MRPL10: variants seen among roughly 807,000 people sequenced by gnomAD.
MRPL10 encodes mitochondrial ribosomal protein L10, also known as large ribosomal subunit protein uL10m.
MRPL10 carries 14 observed loss-of-function variants against 19.8 expected under a neutral mutation model. The observed-to-expected ratio is 0.71, with a 90% CI of 0.47 to 1.11. The LOEUF (loss-of-function observed/expected upper bound fraction) is 1.11, where lower values mean the gene tolerates loss of function less well. Ranked by LOEUF, MRPL10 falls within the 50% of genes least tolerant of loss-of-function variation. The pLI, the probability that MRPL10 is intolerant of heterozygous loss-of-function variation, is 0.00. For missense variants in MRPL10, 318 were observed against 339.6 expected (o/e 0.94, Z 0.50); for synonymous variants, 129 against 139.2 (o/e 0.93, Z 0.52).
At chr17:47,826,978 G>A (rs2033543525) in intron 3 of MRPL10, 62 bp downstream of exon 3, 2 of 1,543,890 alleles carry the variant, frequency 1.3e-6, no homozygotes, top group Admixed American at 1.8e-5. Flanking sequence ...AGATGGTGAG[G>A]TCTGAGTCTG....
Position 47,824,369 on chromosome 17 carries a change from C to T in MRPL10, c.622G>A (p.Val208Ile). Residue 208 changes from valine (V) to isoleucine (I), a missense_variant, in exon 5 of 5, where the codon GTA becomes ATA. Val to Ile is a conservative substitution (Grantham distance 29). Coordinates refer to ENST00000351111, the MANE Select transcript of MRPL10 (RefSeq NM_145255.4). Reference sequence around the variant, plus strand: ...GCTGTGAGGCAGGTGAGGCCTCCTACAAGCTCCCCCTGCACCAGGGGCAGG... The same window carrying T: ...GCTGTGAGGCAGGTGAGGCCTCCTATAAGCTCCCCCTGCACCAGGGGCAGG... ...PSLPLVQGEL[V>I]GGLTCLTAQT... 1.2e-6 allele frequency: 2 copies of T among 1,611,490 alleles called. No individual in the cohort carries two copies. Among genetic ancestry groups the T allele is most frequent in the Non-Finnish European group, 1.7e-6 (2 of 1,178,230 alleles).
In MRPL10 at chr17:47,831,445, T is replaced by C; in HGVS notation, c.52+15A>G. The C allele has an allele frequency of 1.9e-6, 3 of 1,548,694 alleles. No individual in the cohort carries two copies. The highest frequency in any genetic ancestry group is 2.4e-5 in the East Asian group (1 of 40,920). ...GGCCGCAAGACACGCCGTGAGGACC[T>C]GGGCCACTCCTTACCCGCCTGGGGC... On this transcript the variant is annotated intron_variant, in intron 1 of 4. Coordinates refer to ENST00000351111, the MANE Select transcript of MRPL10 (RefSeq NM_145255.4).
intron 1 of MRPL10, among the ~76,000 whole-genome samples, chr17:47,830,482 G>T (rs2033610837): frequency 6.6e-6 from 1 of 151,902 alleles, no homozygotes; most frequent in Non-Finnish European, 1.5e-5. Flanking sequence ...AAGACTGCAG[G>T]CAGGCTTTGG....
Position 47,825,163 on chromosome 17 carries a change from T to C in MRPL10, c.533-705A>G, listed in dbSNP as rs151237029. Among the ~76,000 whole-genome samples the C allele has an allele frequency of 8.0e-3, 1,210 of 151,696 alleles. 20 individuals carry two copies. Among genetic ancestry groups the C allele is most frequent in the African/African-American group, 0.028 (1,147 of 41,268 alleles). ...GGCCAACATGGTGAAACCCCGTTTC[T>C]ACTAAAAATACAAAAATTAGCCAGG... is the stretch of plus-strand genomic sequence containing the variant. On this transcript the variant is annotated intron_variant, in intron 4 of 4. Transcript: ENST00000351111.
At position 47,828,620 on chromosome 17, in the gene MRPL10, G is replaced by A. The variant is rs761602755; in HGVS notation, c.103C>T (p.Arg35Cys). The A allele has an allele frequency of 2.1e-5, 32 of 1,525,714 alleles. No individual in the cohort carries two copies. The highest frequency in any genetic ancestry group is 2.0e-4 in the South Asian group (15 of 76,672). The allele number at this position is 1,525,714 out of a possible 1,614,324, so 94.5% of individuals were successfully genotyped here. A position where few individuals can be genotyped will look rare whatever the true frequency, so the allele number is the denominator to read the frequency against. ...TVRYGSKAVT[R>C]HRRVMHFQRQ... ...TGAAAGTGCATCACACGACGGTGGC[G>A]GGTAACAGCCTTGGAGCCATAGCGG... Residue 35 changes from arginine to cysteine, a missense_variant, in exon 2 of 5, where the codon CGC becomes TGC. By Grantham distance (180) the Arg-to-Cys change is radical. Coordinates refer to ENST00000351111, the MANE Select transcript of MRPL10 (RefSeq NM_145255.4).
At chr17:47,828,731 A>G in intron 1 of MRPL10, 61 bp from the exon 2 acceptor site, 4 of 1,379,870 alleles carry the variant, frequency 2.9e-6, no homozygotes, top group South Asian at 1.5e-5. Context: ...GTTTATCCCA[A>G]ATGGAGAAAA....
Position 47,824,337 on chromosome 17 carries a change from G to A in MRPL10, c.654C>T (p.Thr218=). 1 of 1,613,876 alleles carries A rather than the reference G, an allele frequency of 6.2e-7. No individual in the cohort carries two copies. The highest frequency in any genetic ancestry group is 1.1e-5 in the South Asian group (1 of 91,060). ...VGGLTCLTAQ[T]HSLLQHQPLQ... ...GGGGCTGGTGCTGGAGCAGGGAGTG[G>A]GTCTGGGCTGTGAGGCAGGTGAGGC... is the stretch of plus-strand genomic sequence containing the variant. The change falls in exon 5 of 5, where the codon ACC becomes ACT. Residue 218 remains threonine (T), a synonymous_variant. Transcript: ENST00000351111.
At chr17:47,825,332 A>G (rs2033514698) in intron 4 of MRPL10, among the ~76,000 whole-genome samples, 1 of 151,906 alleles carries the variant, frequency 6.6e-6, no homozygotes, top group Non-Finnish European at 1.5e-5. Flanking sequence ...TCCGTCTCAA[A>G]AAAACAAAGA....
rs771595673 is a variant in MRPL10 at position 47,826,784 on chromosome 17, G to A, written c.388-3C>T. 1.8e-5 allele frequency: 29 copies of A among 1,614,034 alleles called. No homozygotes were observed. In the Middle Eastern group the frequency reaches 2.1e-3, roughly 119 times the overall value. ...TCCTCCAGGAAGGGCTTCAGGACCTGGGAACAGCAGGGAAAAATGGCTTAT... is the reference window on the plus strand; with the variant it reads ...TCCTCCAGGAAGGGCTTCAGGACCTAGGAACAGCAGGGAAAAATGGCTTAT... On this transcript the variant is annotated splice_polypyrimidine_tract_variant and splice_region_variant and intron_variant, in intron 3 of 4. Transcript: ENST00000351111.
chr17:47,826,937 G>A, intron 3 of MRPL10, 103 bp downstream of exon 3: 1 of 1,457,802 alleles, frequency 6.9e-7, no homozygotes, highest in Non-Finnish European at 9.4e-7. Context: ...CTCATGGAGA[G>A]GAGGAGTAAG....
chr17:47,826,008 G>T (rs371756423), intron 4 of MRPL10, among the ~76,000 whole-genome samples: 55 of 151,770 alleles, frequency 3.6e-4, no homozygotes, highest in Non-Finnish European at 7.7e-4. Flanking sequence ...TTAGCTGGGC[G>T]TGGTGGCAGG....
chr17:47,824,064 T>C lies in MRPL10; in HGVS notation c.*141A>G. The C allele has an allele frequency of 9.5e-7, 1 of 1,057,518 alleles. No individual in the cohort carries two copies. Among genetic ancestry groups the C allele is most frequent in the East Asian group, 2.5e-5 (1 of 39,998 alleles). 65.5% of individuals were successfully genotyped at this position (1,057,518 alleles called of 1,614,324 possible). On this transcript the variant is annotated 3_prime_UTR_variant, in exon 5 of 5. Transcript: ENST00000351111. ...AATCCTCTGCATCTCCAAGTGGCCC[T>C]ATACCTGACAATATCATTACTAGTG...
chr17:47,824,512 A>G, intron 4 of MRPL10, 54 bp from the exon 5 acceptor site: 11 of 1,500,186 alleles, frequency 7.3e-6, no homozygotes, highest in Non-Finnish European at 8.8e-6. Flanking sequence ...TCTTCTCTGA[A>G]AACAATATTC....
Position 47,823,837 on chromosome 17 carries a change from A to G in MRPL10, c.*368T>C. The G allele has an allele frequency of 3.1e-6, 1 of 326,712 alleles. No individual in the cohort carries two copies. The highest frequency in any genetic ancestry group is 9.6e-5 in the East Asian group (1 of 10,398). 20.2% of individuals were successfully genotyped at this position (326,712 alleles called of 1,614,324 possible). On this transcript the variant is annotated 3_prime_UTR_variant, in exon 5 of 5. Coordinates refer to ENST00000351111, the MANE Select transcript of MRPL10 (RefSeq NM_145255.4). The stretch of plus-strand genomic sequence containing the variant: ...CTCAGCACAACTGCTTGGTTGAGCT[A>G]CTGTGGCAGTGGCAGGTTGTGCCCC...
chr17:47,827,005 G>C lies in MRPL10; in HGVS notation c.387+35C>G, dbSNP rs778389279. The C allele has an allele frequency of 1.2e-5, 19 of 1,580,240 alleles. No individual in the cohort carries two copies. In the South Asian group the frequency reaches 2.2e-4, roughly 18 times the overall value. On this transcript the variant is annotated intron_variant, in intron 3 of 4. Transcript: ENST00000351111. ...CTGAGTCTGGTGGGGGTGGGGGGAA[G>C]ATGGGCAACCCATGCCAAGGGGCCT... is the stretch of plus-strand genomic sequence containing the variant.
rs776728463 is a variant in MRPL10 at position 47,826,785 on chromosome 17, G to C, written c.388-4C>G. Reference sequence around the variant, plus strand: ...CCTCCAGGAAGGGCTTCAGGACCTGGGAACAGCAGGGAAAAATGGCTTATC... The same window carrying C: ...CCTCCAGGAAGGGCTTCAGGACCTGCGAACAGCAGGGAAAAATGGCTTATC... On this transcript the variant is annotated splice_polypyrimidine_tract_variant and splice_region_variant and intron_variant, in intron 3 of 4. Transcript: ENST00000351111. 1.2e-6 allele frequency: 2 copies of C among 1,614,146 alleles called. No homozygotes were observed. The highest frequency in any genetic ancestry group is 4.5e-5 in the East Asian group (2 of 44,882).
chr17:47,830,892 A>C (rs1296017926), intron 1 of MRPL10, among the ~76,000 whole-genome samples: 1 of 152,218 alleles, frequency 6.6e-6, no homozygotes, highest in African/African-American at 2.4e-5. Context: ...CTGCGTCTGT[A>C]AAGAGGAGAT....
chr17:47,823,970 G>C lies in MRPL10; in HGVS notation c.*235C>G, dbSNP rs2033485518. 2 of 566,682 alleles carry C rather than the reference G, an allele frequency of 3.5e-6. No homozygotes were observed. Among genetic ancestry groups the C allele is most frequent in the South Asian group, 4.0e-5 (2 of 49,566 alleles). 35.1% of individuals were successfully genotyped at this position (566,682 alleles called of 1,614,324 possible). Reference sequence around the variant, plus strand: ...CTGCCTTGGACCTGGAGAATGGAGAGACTTTGCTCCTATCACGTCCCAAGT... The same window carrying C: ...CTGCCTTGGACCTGGAGAATGGAGACACTTTGCTCCTATCACGTCCCAAGT... On this transcript the variant is annotated 3_prime_UTR_variant, in exon 5 of 5. Transcript: ENST00000351111.
chr17:47,823,961 G>T lies in MRPL10; in HGVS notation c.*244C>A. ...TCAGGATCTCTGCCTTGGACCTGGA[G>T]AATGGAGAGACTTTGCTCCTATCAC... On this transcript the variant is annotated 3_prime_UTR_variant, in exon 5 of 5. Transcript: ENST00000351111. The T allele has an allele frequency of 3.7e-6, 2 of 545,748 alleles. No individual in the cohort carries two copies. Among genetic ancestry groups the T allele is most frequent in the Non-Finnish European group, 6.5e-6 (2 of 307,042 alleles). The allele number at this position is 545,748 out of a possible 1,614,324, so 33.8% of individuals were successfully genotyped here.
Sources: gnomAD v4.1 joint callset for allele counts (sites outside exome capture counted in the v4.1 genomes callset) on GRCh38, gnomAD v4.1.1 for gene constraint, MANE v1.5 for transcripts, NCBI Gene and HGNC (gene_info 2026-07-23, HGNC 2026-07-21) for gene names.